PIK3C2B: variants seen among roughly 807,000 people sequenced by gnomAD.
PIK3C2B encodes the protein phosphatidylinositol 4-phosphate 3-kinase C2 domain-containing subunit beta.
A neutral mutation model predicts 184.3 loss-of-function variants in PIK3C2B; 83 were observed. The ratio of observed to expected loss-of-function variants is 0.45; its 90% CI spans 0.38 to 0.54. The LOEUF is 0.54. PIK3C2B is among the 20% of genes least tolerant of loss of function. The probability of loss-of-function intolerance (pLI) is 0.00; values close to 1 mark genes in which losing one functional copy is unlikely to be tolerated. For missense variants in PIK3C2B, 1,736 were observed against 2,113.5 expected (o/e 0.82, Z 3.50); for synonymous variants, 779 against 837.6 (o/e 0.93, Z 1.21).
chr1:204,483,141 G>C (rs747954868), intron 1 of PIK3C2B, among the ~76,000 whole-genome samples: 1 of 152,086 alleles, frequency 6.6e-6, no homozygotes, highest in Non-Finnish European at 1.5e-5. Context: ...CCTCAGAAAG[G>C]CCAGGCACAG....
rs569505441 is a variant in PIK3C2B, at chr1:204,427,136, C to CA, written c.4587+511dup. On this transcript the variant is annotated intron_variant, in intron 31 of 32. Transcript: ENST00000684373. ...TGGGTGACAGAGCAAAACTCCATTT[C>CA]AAAAAAAAAAAAAAGTTCCCTTCCT... 7.8e-4 allele frequency among the ~76,000 whole-genome samples: 103 copies of CA among 132,806 alleles called. 1 individual carries two copies. Among genetic ancestry groups the CA allele is most frequent in the Admixed American group, 1.1e-3 (14 of 13,236 alleles). 87.1% of individuals were successfully genotyped at this position (132,806 alleles called of 152,430 possible).
intron 1 of PIK3C2B, among the ~76,000 whole-genome samples, chr1:204,486,394 C>CAAAAAAA (rs34149363): frequency 6.9e-5 from 6 of 86,588 alleles, no homozygotes; most frequent in African/African-American, 2.8e-4. Flanking sequence ...GACTCAGTCT[C>CAAAAAAA]AAAAAAAAAA....
In PIK3C2B at chr1:204,469,119, A is replaced by T; in HGVS notation, c.684T>A (p.Tyr228Ter). ...GQGRLLGSVD[Y>*]DGINDAITRL... Reference sequence around the variant, plus strand: ...TAGTAATTGCATCATTGATACCATCATAGTCCACAGACCCCAGTAGGCGCC... The same window carrying T: ...TAGTAATTGCATCATTGATACCATCTTAGTCCACAGACCCCAGTAGGCGCC... The change falls in exon 2 of 33, where the codon TAT becomes TAA. Residue 228 changes from tyrosine to a stop codon, truncating the protein, a stop_gained. Transcript: ENST00000684373. LOFTEE classifies it high-confidence loss of function. 6.2e-7 allele frequency: 1 copy of T among 1,614,184 alleles called. No homozygotes were observed. The highest frequency in any genetic ancestry group is 8.5e-7 in the Non-Finnish European group (1 of 1,179,998).
At chr1:204,472,316 AC>A (rs1656359387) in intron 1 of PIK3C2B, among the ~76,000 whole-genome samples, 1 of 151,842 alleles carries the variant, frequency 6.6e-6, no homozygotes, top group East Asian at 2.0e-4. Flanking sequence ...GGCACCCGCC[AC>A]CACACCCGGC....
Position 204,433,839 on chromosome 1 carries a change from T to G in PIK3C2B, c.3797A>C (p.Asn1266Thr). Residue 1266 changes from asparagine to threonine, a missense_variant, in exon 25 of 33, where the codon AAC (asparagine) becomes ACC (threonine). Asn to Thr is a moderately conservative substitution (Grantham distance 65). Transcript: ENST00000684373. The surrounding 1 kb of genome is among the most constrained non-coding windows in gnomAD (Gnocchi z 5.0). The stretch of plus-strand genomic sequence containing the variant: ...GAGGTGGGTGTGCTTGCGAATGAGG[T>G]TGTAGGCTTGGCAGCAAAGGTCAAC... ...DFVDLCCQAYNLIRKHTHLFL... is the reference protein window; with the variant it reads ...DFVDLCCQAYTLIRKHTHLFL... 2 of 1,613,916 alleles carry G rather than the reference T, an allele frequency of 1.2e-6. No homozygotes were observed. The highest frequency in any genetic ancestry group is 1.7e-6 in the Non-Finnish European group (2 of 1,179,960).
In PIK3C2B at chr1:204,449,179, C is replaced by G. The variant is rs776098292; in HGVS notation, c.2346+6G>C. The G allele has an allele frequency of 6.3e-7, 1 of 1,589,712 alleles. No homozygotes were observed. The highest frequency in any genetic ancestry group is 1.1e-5 in the South Asian group (1 of 89,086). ...GGTGACTGGGAGGGAAGGGCTAAAG[C>G]CTCACCTGCAGGATGACACTGTCTG... is the stretch of plus-strand genomic sequence containing the variant. On this transcript the variant is annotated splice_donor_region_variant and intron_variant, in intron 14 of 32. Coordinates refer to ENST00000684373, the MANE Select transcript of PIK3C2B (RefSeq NM_001377334.1).
chr1:204,491,554 G>A (rs1012883725), intron 1 of PIK3C2B, among the ~76,000 whole-genome samples: 5 of 152,070 alleles, frequency 3.3e-5, no homozygotes, highest in Admixed American at 1.3e-4. Context: ...TTAGCCACAT[G>A]TAGTGGTGCA....
intron 27 of PIK3C2B, 105 bp downstream of exon 27, chr1:204,432,095 G>A (rs984511156): frequency 2.3e-5 from 24 of 1,021,942 alleles, no homozygotes; most frequent in South Asian, 8.3e-5. Context: ...CAGGACGCTC[G>A]GTCAACTCCT....
intron 1 of PIK3C2B, among the ~76,000 whole-genome samples, chr1:204,475,825 C>T (rs904728912): frequency 5.9e-5 from 9 of 152,166 alleles, no homozygotes; most frequent in Non-Finnish European, 1.5e-5. Context: ...CTCTAACCAC[C>T]ATCCTCCTGG....
rs1206141133 is a variant in PIK3C2B at position 204,431,806 on chromosome 1, A to G, written c.4156-13T>C. ...TTACCACATATATCTGCAAAGGTCCAGATCTTAGGGTGTACCTGCCGAGCC... is the reference window on the plus strand; with the variant it reads ...TTACCACATATATCTGCAAAGGTCCGGATCTTAGGGTGTACCTGCCGAGCC... On this transcript the variant is annotated splice_polypyrimidine_tract_variant and intron_variant, in intron 27 of 32. Transcript: ENST00000684373. 6.2e-7 allele frequency: 1 copy of G among 1,614,086 alleles called. No individual in the cohort carries two copies. The highest frequency in any genetic ancestry group is 2.2e-5 in the East Asian group (1 of 44,906).
chr1:204,434,033 T>G, intron 24 of PIK3C2B, 84 bp from the exon 25 acceptor site: 1 of 1,068,034 alleles, frequency 9.4e-7, no homozygotes. Context: ...TCAGTTTCCC[T>G]CATCCCTCAT....
chr1:204,463,896 T>C, intron 5 of PIK3C2B, 116 bp downstream of exon 5: 1 of 1,043,544 alleles, frequency 9.6e-7, no homozygotes, highest in Non-Finnish European at 1.4e-6. Flanking sequence ...AAAGCAGGAG[T>C]CTTGACTGTG....
At chr1:204,484,975 G>A (rs1210259494) in intron 1 of PIK3C2B, among the ~76,000 whole-genome samples, 1 of 152,140 alleles carries the variant, frequency 6.6e-6, no homozygotes. Flanking sequence ...CCAGAAGTGG[G>A]AGTCCAGGTC....
intron 23 of PIK3C2B, among the ~76,000 whole-genome samples, chr1:204,437,955 T>C (rs751804631): frequency 3.3e-5 from 5 of 152,064 alleles, no homozygotes; most frequent in African/African-American, 9.7e-5. Flanking sequence ...CAGGTGGTAG[T>C]TGAAGTAATA....
chr1:204,427,789 G>A, intron 30 of PIK3C2B, 35 bp from the exon 31 acceptor site: 2 of 1,460,646 alleles, frequency 1.4e-6, no homozygotes, highest in East Asian at 2.3e-5. Context: ...AGGGTCAAGA[G>A]GCCAGGCAGG....
intron 24 of PIK3C2B, 92 bp from the exon 25 acceptor site, chr1:204,434,041 C>T (rs1001623556): frequency 2.0e-6 from 2 of 1,002,734 alleles, no homozygotes; most frequent in Non-Finnish European, 3.1e-6. Flanking sequence ...CCTCATCCCT[C>T]ATCACGTGGA....
At chr1:204,476,801 T>A (rs1266401561) in intron 1 of PIK3C2B, among the ~76,000 whole-genome samples, 2 of 152,194 alleles carry the variant, frequency 1.3e-5, no homozygotes, top group Non-Finnish European at 2.9e-5. Context: ...ACCACAAAAA[T>A]GAAAACCATG....
intron 3 of PIK3C2B, among the ~76,000 whole-genome samples, 175 bp from the exon 4 acceptor site, chr1:204,464,779 C>A (rs1655615692): frequency 6.6e-6 from 1 of 152,202 alleles, no homozygotes; most frequent in Non-Finnish European, 1.5e-5. Context: ...GAGAAACCCC[C>A]TTCTTGACAC....
chr1:204,465,810 CAG>C (rs974041315), intron 2 of PIK3C2B, among the ~76,000 whole-genome samples: 7 of 152,200 alleles, frequency 4.6e-5, no homozygotes, highest in African/African-American at 1.4e-4. Context: ...GGACCCAAAG[CAG>C]AGAGAGACCC....
Sources: allele counts gnomAD v4.1 joint callset (sites outside exome capture counted in the v4.1 genomes callset), GRCh38; gene constraint gnomAD v4.1.1; non-coding constraint Gnocchi (gnomAD v3.1); transcripts MANE v1.5; gene names NCBI Gene and HGNC (gene_info 2026-07-23, HGNC 2026-07-21).